ZNF516: variants seen among roughly 807,000 people sequenced by gnomAD.
The protein encoded by ZNF516 is zinc finger protein 516.
Under a neutral mutation model 79.7 loss-of-function variants are expected in ZNF516, and 19 were observed. The observed-to-expected ratio is 0.24, with a 90% CI of 0.17 to 0.35. ZNF516 has a LOEUF of 0.35. Among genes scored for constraint, ZNF516 ranks in the 10% least tolerant of loss-of-function variants. The pLI is 1.00. For synonymous variants in ZNF516, 877 were observed against 739.5 expected (o/e 1.19, Z -3.02); for missense variants, 1,678 against 1,679.5 (o/e 1.00, Z 0.02).
At chr18:76,404,503 G>C (rs1024360235) in intron 3 of ZNF516, among the ~76,000 whole-genome samples, 2 of 152,150 alleles carry the variant, frequency 1.3e-5, no homozygotes, top group Non-Finnish European at 2.9e-5. Context: ...GTGTGCATGT[G>C]TGTGCATGTG....
Position 76,451,496 on chromosome 18 carries a change from G to A in ZNF516, c.-157-8285C>T, listed in dbSNP as rs748889733. Among the ~76,000 whole-genome samples the A allele has an allele frequency of 6.6e-6, 1 of 152,212 alleles. No individual in the cohort carries two copies. The highest frequency in any genetic ancestry group is 1.5e-5 in the Non-Finnish European group (1 of 68,032). On this transcript the variant is annotated intron_variant, in intron 2 of 6. Transcript: ENST00000443185. This position sits in a 1 kb window ranked among gnomAD's most constrained non-coding sequence, Gnocchi z 6.0. The stretch of plus-strand genomic sequence containing the variant: ...AGACAGAATGCTTCCGATATTTACA[G>A]GGCTGTCTGCAAAGGCGTATGATGG...
chr18:76,490,964 A>G, intron 1 of ZNF516: 1 of 985,314 alleles, frequency 1.0e-6, no homozygotes, highest in Non-Finnish European at 1.2e-6. Context: ...CGCAGAACAC[A>G]AAACCCCCAC....
At chr18:76,385,617 C>T (rs1483245942) in intron 3 of ZNF516, 1 of 152,240 alleles carries the variant, frequency 6.6e-6, no homozygotes, top group African/African-American at 2.4e-5. Flanking sequence ...ATTCTCAGTG[C>T]ACATTTGTGC....
intron 1 of ZNF516, chr18:76,492,994 A>G (rs1174703678): frequency 2.0e-6 from 2 of 985,566 alleles, no homozygotes; most frequent in South Asian, 9.4e-5. Flanking sequence ...GCGCTCACAC[A>G]CACACCCCAA....
chr18:76,391,745 T>C (rs1201614742), intron 3 of ZNF516, among the ~76,000 whole-genome samples: 3 of 152,170 alleles, frequency 2.0e-5, no homozygotes, highest in Non-Finnish European at 4.4e-5. Context: ...CTTCCACAGG[T>C]GCCCAGGCAA....
At chr18:76,490,736 T>TGTATGTGTAG (rs1915128211) in intron 1 of ZNF516, 2 of 983,104 alleles carry the variant, frequency 2.0e-6, no homozygotes, top group South Asian at 9.4e-5. Context: ...GCCTTTCTGC[T>TGTATGTGTAG]GTATGTGTAA....
At chr18:76,479,104 T>C (rs540538759) in intron 1 of ZNF516, among the ~76,000 whole-genome samples, 17 of 151,860 alleles carry the variant, frequency 1.1e-4, no homozygotes, top group African/African-American at 4.1e-4. Context: ...TTGTTCCTTC[T>C]CAGAACAGAC....
chr18:76,395,808 G>A (rs566895048), intron 3 of ZNF516, among the ~76,000 whole-genome samples: 33 of 152,236 alleles, frequency 2.2e-4, no homozygotes, highest in Middle Eastern at 6.8e-3. Context: ...CACCACCCTG[G>A]TCACACTGCA....
In ZNF516 at chr18:76,433,130, G is replaced by C. The variant is rs568040064; in HGVS notation, c.1810+8115C>G. Among the ~76,000 whole-genome samples the C allele has an allele frequency of 3.9e-5, 6 of 152,322 alleles. No individual in the cohort carries two copies. The South Asian group carries it at 1.2e-3, about 32-fold the overall frequency. Reference sequence around the variant, plus strand: ...CCATTAAATACTAACTGTAAGGCCAGCCTCTGCTGCGACTGCTGTTCATCG... The same window carrying C: ...CCATTAAATACTAACTGTAAGGCCACCCTCTGCTGCGACTGCTGTTCATCG... On this transcript the variant is annotated intron_variant, in intron 3 of 6. Coordinates refer to ENST00000443185, the MANE Select transcript of ZNF516 (RefSeq NM_014643.4).
At chr18:76,491,912 C>T (rs1915249286) in intron 1 of ZNF516, among the ~76,000 whole-genome samples, 1 of 152,052 alleles carries the variant, frequency 6.6e-6, no homozygotes, top group Admixed American at 6.5e-5. Context: ...GGGTGGAACT[C>T]GGGCTGGGGG....
At chr18:76,383,968 G>T in intron 3 of ZNF516, among the ~76,000 whole-genome samples, 1 of 152,196 alleles carries the variant, frequency 6.6e-6, no homozygotes, top group Non-Finnish European at 1.5e-5. Flanking sequence ...ACACAGCCAA[G>T]GTTTCCTTAC....
upstream of ZNF516, chr18:76,496,287 C>A (rs577179262): frequency 7.8e-7 from 1 of 1,289,076 alleles, no homozygotes; most frequent in South Asian, 1.2e-5. Flanking sequence ...AGGCTCCTGG[C>A]CGTATTGTTC....
intron 4 of ZNF516, among the ~76,000 whole-genome samples, chr18:76,372,378 C>A (rs947645002): frequency 6.6e-6 from 1 of 152,238 alleles, no homozygotes; most frequent in Non-Finnish European, 1.5e-5. Context: ...AAAGAAATTT[C>A]TCTGGCTGGG....
chr18:76,392,090 C>A (rs1278159290), intron 3 of ZNF516, among the ~76,000 whole-genome samples: 2 of 152,218 alleles, frequency 1.3e-5, no homozygotes, highest in African/African-American at 2.4e-5. Context: ...GCCAGTCAAA[C>A]CAGGAAGCCA....
At chr18:76,478,519 A>C (rs557219936) in intron 1 of ZNF516, among the ~76,000 whole-genome samples, 1 of 152,310 alleles carries the variant, frequency 6.6e-6, no homozygotes, top group South Asian at 2.1e-4. Context: ...TTCTAAAATA[A>C]ACAATTTTTT....
chr18:76,482,298 A>G (rs1305209590), intron 1 of ZNF516, among the ~76,000 whole-genome samples: 9 of 152,194 alleles, frequency 5.9e-5, no homozygotes, highest in Non-Finnish European at 8.8e-5. Context: ...ATCGCGACCT[A>G]TTATTCCATT....
chr18:76,491,745 C>G (rs1915239114), intron 1 of ZNF516: 1 of 152,408 alleles, frequency 6.6e-6, no homozygotes, highest in African/African-American at 2.4e-5. Flanking sequence ...GCTCTCGCCC[C>G]CGGCCCCTGG....
chr18:76,431,734 C>A (rs1172654922), intron 3 of ZNF516, among the ~76,000 whole-genome samples: 1 of 152,184 alleles, frequency 6.6e-6, no homozygotes, highest in African/African-American at 2.4e-5. Context: ...ATGGGCTCCC[C>A]TTGATCTTCC....
intron 3 of ZNF516, among the ~76,000 whole-genome samples, chr18:76,391,394 C>T (rs1481414261): frequency 6.6e-6 from 1 of 152,108 alleles, no homozygotes; most frequent in Non-Finnish European, 1.5e-5. Flanking sequence ...CCAACCATAA[C>T]CCTAAACCTA....
Sources: allele counts gnomAD v4.1 joint callset (sites outside exome capture counted in the v4.1 genomes callset), GRCh38; gene constraint gnomAD v4.1.1; non-coding constraint Gnocchi (gnomAD v3.1); transcripts MANE v1.5; gene names NCBI Gene and HGNC (gene_info 2026-07-23, HGNC 2026-07-21).